Variants in NUP210 observed in about 807,000 individuals in gnomAD.
NUP210 encodes the protein nuclear pore membrane glycoprotein 210.
Under a neutral mutation model 196.0 loss-of-function variants are expected in NUP210, and 151 were observed. The observed-to-expected ratio is 0.77, with a 90% CI of 0.67 to 0.88. NUP210 has a LOEUF of 0.88. Among genes scored for constraint, NUP210 ranks in the 40% least tolerant of loss-of-function variants. The pLI, the probability that NUP210 is intolerant of heterozygous loss-of-function variation, is 0.00. For synonymous variants in NUP210, 1,070 were observed against 1,052.7 expected (o/e 1.02, Z -0.32); for missense variants, 2,314 against 2,493.7 (o/e 0.93, Z 1.53).
chr3:13,396,362 G>A (rs938668564), intron 3 of NUP210, among the ~76,000 whole-genome samples: 3 of 152,140 alleles, frequency 2.0e-5, no homozygotes, highest in Non-Finnish European at 4.4e-5. Context: ...GACAAAGTGA[G>A]CCTTGGTTTG....
At position 13,337,735 on chromosome 3, in the gene NUP210, G is replaced by A. The variant is rs951011471; in HGVS notation, c.3552+102C>T. On this transcript the variant is annotated intron_variant, in intron 26 of 39. Coordinates refer to ENST00000254508, the MANE Select transcript of NUP210 (RefSeq NM_024923.4). Reference sequence around the variant, plus strand: ...TGGGAAGCAGGCCCTAGATACCCGGGCCAGGCAGATGGAGGAGGTGGAGAA... The same window carrying A: ...TGGGAAGCAGGCCCTAGATACCCGGACCAGGCAGATGGAGGAGGTGGAGAA... The A allele has an allele frequency of 6.4e-6, 7 of 1,086,434 alleles. No homozygotes were observed. In the African/African-American group the frequency reaches 1.1e-4, roughly 17 times the overall value. 67.3% of individuals were successfully genotyped at this position (1,086,434 alleles called of 1,614,324 possible).
chr3:13,413,279 A>G (rs1007071728), intron 1 of NUP210, among the ~76,000 whole-genome samples: 1 of 151,886 alleles, frequency 6.6e-6, no homozygotes, highest in Non-Finnish European at 1.5e-5. Flanking sequence ...CATCCTGGCT[A>G]ACATGGTGAA....
intron 13 of NUP210, among the ~76,000 whole-genome samples, chr3:13,366,582 A>G (rs996548960): frequency 2.2e-5 from 3 of 135,564 alleles, no homozygotes; most frequent in Non-Finnish European, 3.1e-5. Flanking sequence ...CAGTGGTGCT[A>G]TCTCAGCTCA....
intron 3 of NUP210, 112 bp downstream of exon 3, chr3:13,397,245 G>T: frequency 7.6e-7 from 1 of 1,311,098 alleles, no homozygotes; most frequent in Non-Finnish European, 1.0e-6. Flanking sequence ...GCCCTCTAGG[G>T]ACCTGCAGGG....
intron 13 of NUP210, 53 bp from the exon 14 acceptor site, chr3:13,366,144 T>C: frequency 6.4e-7 from 1 of 1,571,166 alleles, no homozygotes; most frequent in Admixed American, 1.7e-5. Flanking sequence ...TTTTCTTTTT[T>C]TTGAGATGGA....
chr3:13,358,187 A>G, intron 16 of NUP210, 35 bp downstream of exon 16: 1 of 1,565,564 alleles, frequency 6.4e-7, no homozygotes, highest in Non-Finnish European at 8.7e-7. Context: ...AGCGGGTGGC[A>G]CCCTCACCTC....
intron 6 of NUP210, among the ~76,000 whole-genome samples, chr3:13,384,338 C>T (rs1699205488): frequency 6.6e-6 from 1 of 152,204 alleles, no homozygotes; most frequent in Non-Finnish European, 1.5e-5. Flanking sequence ...ATTGATCCTA[C>T]AGGGGTGATT....
chr3:13,409,752 T>C (rs964473143), intron 1 of NUP210, among the ~76,000 whole-genome samples: 1 of 151,826 alleles, frequency 6.6e-6, no homozygotes, highest in Non-Finnish European at 1.5e-5. Context: ...CTCCCACCTT[T>C]ACCTGGTGCT....
Position 13,365,945 on chromosome 3 carries a change from C to T in NUP210, c.1932+1G>A, listed in dbSNP as rs1269133384. ...GGTAAAGGGCAGGGCCCCTGGCTCA[C>T]CTTGAGGGGCAGGTAGGCAGCAATG... On this transcript the variant is annotated splice_donor_variant, in intron 14 of 39. Coordinates refer to ENST00000254508, the MANE Select transcript of NUP210 (RefSeq NM_024923.4). LOFTEE classifies it high-confidence loss of function. 1.9e-6 allele frequency: 3 copies of T among 1,614,002 alleles called. No homozygotes were observed. The highest frequency in any genetic ancestry group is 1.3e-5 in the African/African-American group (1 of 75,040).
At position 13,332,256 on chromosome 3, in the gene NUP210, G is replaced by A. The variant is rs193238829; in HGVS notation, c.3935+37C>T. ...TGAGGTGTCGGATGCAAGCACAGCC[G>A]CACAACTTTGCTGGAAACAAGAGCT... is the stretch of plus-strand genomic sequence containing the variant. On this transcript the variant is annotated intron_variant, in intron 29 of 39. Coordinates refer to ENST00000254508, the MANE Select transcript of NUP210 (RefSeq NM_024923.4). 1.1e-4 allele frequency: 171 copies of A among 1,553,326 alleles called. No individual in the cohort carries two copies. The African/African-American group carries it at 1.8e-3, about 16-fold the overall frequency.
rs962421774 is a variant in NUP210 at position 13,327,384 on chromosome 3, C to T, written c.4340G>A (p.Arg1447His). 1.2e-5 allele frequency: 19 copies of T among 1,613,234 alleles called. No individual in the cohort carries two copies. The highest frequency in any genetic ancestry group is 4.0e-5 in the African/African-American group (3 of 74,898). Residue 1447 changes from arginine (R) to histidine (H), a missense_variant, in exon 32 of 40, where the codon CGC (arginine) becomes CAC (histidine). Physicochemically the swap from Arg to His is conservative, Grantham distance 29. Coordinates refer to ENST00000254508, the MANE Select transcript of NUP210 (RefSeq NM_024923.4). ...CAGTGTCAGGCCCACGCTGACTGTG[C>T]GGACAACGCAGGTGTTGTTGGTGGG... ...KGPTNNTCVV[R>H]TVSVGLTLLR...
chr3:13,409,990 C>T (rs962081575), intron 1 of NUP210, among the ~76,000 whole-genome samples: 1 of 148,100 alleles, frequency 6.8e-6, no homozygotes, highest in Non-Finnish European at 1.5e-5. Context: ...GTGCACGCCA[C>T]CTGTAATTTT....
At chr3:13,353,743 A>G (rs563709742) in intron 17 of NUP210, 83 bp from the exon 18 acceptor site, 1 of 1,350,344 alleles carries the variant, frequency 7.4e-7, no homozygotes. Context: ...TCTGATTTGC[A>G]GTTTCGAATC....
chr3:13,331,173 T>C (rs1326571272), intron 29 of NUP210, among the ~76,000 whole-genome samples: 3 of 152,190 alleles, frequency 2.0e-5, no homozygotes, highest in Admixed American at 6.5e-5. Context: ...GTCCTATTTC[T>C]AAGGACTGTC....
intron 4 of NUP210, among the ~76,000 whole-genome samples, chr3:13,390,052 G>A (rs1699436315): frequency 6.6e-6 from 1 of 152,136 alleles, no homozygotes; most frequent in Non-Finnish European, 1.5e-5. Flanking sequence ...ACTTGGGGCT[G>A]GGATCCTTCT....
intron 37 of NUP210, 107 bp from the exon 38 acceptor site, chr3:13,319,432 T>C: frequency 4.3e-6 from 4 of 937,798 alleles, no homozygotes; most frequent in Non-Finnish European, 6.7e-6. Flanking sequence ...AGGTCCCTCT[T>C]AGATGTAAGG....
At position 13,344,980 on chromosome 3, in the gene NUP210, C is replaced by T. The variant is rs979892500; in HGVS notation, c.2836-1677G>A. On this transcript the variant is annotated intron_variant, in intron 20 of 39. Transcript: ENST00000254508. ...CCCCTCTTCTGGGGGCTGGTCCTGC[C>T]GGGTGCCATCAGTGTTGATGGGACC... 45 of 985,412 alleles carry T rather than the reference C, an allele frequency of 4.6e-5. No individual in the cohort carries two copies. In the South Asian group the frequency reaches 7.0e-4, roughly 15 times the overall value. The allele number at this position is 985,412 out of a possible 1,614,324, so 61.0% of individuals were successfully genotyped here. A position where few individuals can be genotyped will look rare whatever the true frequency, so the allele number is the denominator to read the frequency against.
intron 30 of NUP210, 33 bp from the exon 31 acceptor site, chr3:13,328,979 C>T: frequency 6.2e-7 from 1 of 1,600,458 alleles, no homozygotes; most frequent in Non-Finnish European, 8.5e-7. Flanking sequence ...GATGAGGATT[C>T]AGTGCCAGGG....
chr3:13,413,469 C>CA (rs57651766), intron 1 of NUP210, among the ~76,000 whole-genome samples: 31,854 of 137,062 alleles, frequency 0.23, 5,323 homozygotes, highest in African/African-American at 0.49. Flanking sequence ...GACTCTGTCT[C>CA]AAAAAAAAAA....
Sources: allele counts gnomAD v4.1 joint callset (sites outside exome capture counted in the v4.1 genomes callset), GRCh38; gene constraint gnomAD v4.1.1; transcripts MANE v1.5; gene names NCBI Gene and HGNC (gene_info 2026-07-23, HGNC 2026-07-21).